Variants in NETO2 observed in about 807,000 individuals in gnomAD.
NETO2 encodes the protein neuropilin and tolloid like 2, also known as neuropilin and tolloid-like protein 2.
Under a neutral mutation model 62.5 loss-of-function variants are expected in NETO2, and 28 were observed. That is an observed-to-expected ratio of 0.45 (90% CI 0.33 to 0.61). The LOEUF is 0.61. Ranked by LOEUF, NETO2 falls within the 20% of genes least tolerant of loss-of-function variation. NETO2 has a pLI of 0.02. For missense variants in NETO2, 548 were observed against 643.2 expected (o/e 0.85, Z 1.60); for synonymous variants, 214 against 219.1 (o/e 0.98, Z 0.21).
intron 1 of NETO2, among the ~76,000 whole-genome samples, chr16:47,137,767 T>A (rs530269481): frequency 6.6e-6 from 1 of 152,226 alleles, no homozygotes; most frequent in Non-Finnish European, 1.5e-5. Context: ...ATTTTTTTGT[T>A]CTTATACTGA....
At chr16:47,105,376 T>C (rs1963652597) in intron 7 of NETO2, among the ~76,000 whole-genome samples, 1 of 152,186 alleles carries the variant, frequency 6.6e-6, no homozygotes, top group African/African-American at 2.4e-5. Flanking sequence ...TTACAAGAGC[T>C]AAAACTATAA....
At chr16:47,110,844 AAG>A (rs763480946) in intron 6 of NETO2, among the ~76,000 whole-genome samples, 5 of 151,242 alleles carry the variant, frequency 3.3e-5, no homozygotes, top group Non-Finnish European at 7.4e-5. Context: ...GCATAAAACT[AAG>A]AGAGAACAAC....
intron 4 of NETO2, among the ~76,000 whole-genome samples, chr16:47,125,206 A>G (rs1964130679): frequency 6.6e-6 from 1 of 152,236 alleles, no homozygotes; most frequent in Non-Finnish European, 1.5e-5. Context: ...AATAAAAATA[A>G]AATAGCTGAC....
rs150256497 is a variant in NETO2, at chr16:47,094,437, T to C, written c.884-8098A>G. Reference sequence around the variant, plus strand: ...TTTACTTATTTATTTATTTATTTATTTATTTAGAGACGGAGTCTTACTCTG... The same window carrying C: ...TTTACTTATTTATTTATTTATTTATCTATTTAGAGACGGAGTCTTACTCTG... On this transcript the variant is annotated intron_variant, in intron 7 of 8. Coordinates refer to ENST00000562435, the MANE Select transcript of NETO2 (RefSeq NM_018092.5). 3.5e-3 allele frequency among the ~76,000 whole-genome samples: 532 copies of C among 151,822 alleles called. 3 individuals carry two copies. The highest frequency in any genetic ancestry group is 0.012 in the African/African-American group (499 of 41,234).
In NETO2 at chr16:47,083,623, C is replaced by G; in HGVS notation, c.1176G>C (p.Val392=). The G allele has an allele frequency of 6.2e-7, 1 of 1,614,190 alleles. No homozygotes were observed. The highest frequency in any genetic ancestry group is 8.5e-7 in the Non-Finnish European group (1 of 1,180,046). ...TAFNKTGFQE[V]FDPPHYELFS... is the part of the protein sequence containing the mutation. ...ACAGTTCATAATGAGGAGGATCAAA[C>G]ACTTCTTGGAACCCGGTTTTATTAA... is the stretch of plus-strand genomic sequence containing the variant. The change falls in exon 9 of 9, where the codon GTG becomes GTC. Residue 392 remains valine (V), a synonymous_variant. Coordinates refer to ENST00000562435, the MANE Select transcript of NETO2 (RefSeq NM_018092.5).
At chr16:47,128,180 G>T in intron 4 of NETO2, 145 bp downstream of exon 4, 1 of 969,500 alleles carries the variant, frequency 1.0e-6, no homozygotes, top group Non-Finnish European at 1.5e-6. Context: ...TTTGTTCATG[G>T]ACTAATTTCC....
chr16:47,139,247 GCA>G (rs1253308140), intron 1 of NETO2, among the ~76,000 whole-genome samples: 1 of 152,162 alleles, frequency 6.6e-6, no homozygotes, highest in Non-Finnish European at 1.5e-5. Context: ...CAAACACATA[GCA>G]CAGTAACTGA....
chr16:47,112,863 A>G (rs535490910), intron 6 of NETO2, among the ~76,000 whole-genome samples: 1 of 152,184 alleles, frequency 6.6e-6, no homozygotes, highest in Non-Finnish European at 1.5e-5. Flanking sequence ...ATGAGATCTA[A>G]TAAATATTGT....
intron 1 of NETO2, 131 bp downstream of exon 1, chr16:47,143,448 C>T (rs1036774689): frequency 9.1e-7 from 1 of 1,102,200 alleles, no homozygotes; most frequent in Non-Finnish European, 1.1e-6. Context: ...TCCGAGTAGC[C>T]GCGAGCCCCG....
chr16:47,131,946 A>C, intron 2 of NETO2, 23 bp downstream of exon 2: 1 of 1,599,714 alleles, frequency 6.3e-7, no homozygotes, highest in Non-Finnish European at 8.6e-7. Context: ...ACATGCAGTA[A>C]GTCACCAATG....
rs1963108624 is a variant in NETO2, at chr16:47,083,298, T to C, written c.1501A>G (p.Met501Val). Reference sequence around the variant, plus strand: ...TAAATTTCACAGGGAATCTCCTCCATTACTCGGTCTTCCAGGGCCTGCTCA... The same window carrying C: ...TAAATTTCACAGGGAATCTCCTCCACTACTCGGTCTTCCAGGGCCTGCTCA... ...CPEQALEDRV[M>V]EEIPCEIYVR... The change falls in exon 9 of 9, where the codon ATG (methionine) becomes GTG (valine). Residue 501 changes from methionine (M) to valine (V), a missense_variant. Transcript: ENST00000562435. 6.2e-7 allele frequency: 1 copy of C among 1,614,104 alleles called. No individual in the cohort carries two copies. The highest frequency in any genetic ancestry group is 1.3e-5 in the African/African-American group (1 of 74,940).
intron 7 of NETO2, among the ~76,000 whole-genome samples, chr16:47,095,414 T>C (rs959801192): frequency 2.6e-5 from 4 of 152,142 alleles, no homozygotes; most frequent in Non-Finnish European, 4.4e-5. Context: ...GCAGAATTGA[T>C]GGGAAAAAAC....
intron 7 of NETO2, among the ~76,000 whole-genome samples, chr16:47,096,005 A>C (rs967044082): frequency 4.6e-5 from 7 of 152,228 alleles, no homozygotes; most frequent in African/African-American, 1.7e-4. Context: ...AACTGAAGGA[A>C]AATGAAAAAA....
At chr16:47,090,052 G>A (rs905794551) in intron 7 of NETO2, among the ~76,000 whole-genome samples, 2 of 151,958 alleles carry the variant, frequency 1.3e-5, no homozygotes, top group African/African-American at 2.4e-5. Context: ...CTTGACATTC[G>A]GATTTCATGA....
chr16:47,089,005 G>A (rs904450494), intron 7 of NETO2, among the ~76,000 whole-genome samples: 4 of 152,096 alleles, frequency 2.6e-5, no homozygotes, highest in Non-Finnish European at 5.9e-5. Flanking sequence ...TGCCCTAAAC[G>A]GTAGTATTCA....
At chr16:47,113,585 CTT>C (rs953891691) in intron 6 of NETO2, among the ~76,000 whole-genome samples, 8 of 106,614 alleles carry the variant, frequency 7.5e-5, no homozygotes, top group African/African-American at 1.5e-4. Flanking sequence ...ACAGTTTATT[CTT>C]TTTTTTTTTT....
At chr16:47,132,244 A>G (rs1964281130) in intron 1 of NETO2, among the ~76,000 whole-genome samples, 1 of 152,130 alleles carries the variant, frequency 6.6e-6, no homozygotes, top group Non-Finnish European at 1.5e-5. Context: ...GTACTCATTT[A>G]TAAGCATTTA....
intron 4 of NETO2, among the ~76,000 whole-genome samples, chr16:47,123,720 T>C (rs1413241051): frequency 6.6e-6 from 1 of 152,220 alleles, no homozygotes; most frequent in Non-Finnish European, 1.5e-5. Flanking sequence ...ATTTTTGAGA[T>C]GGAGTTTCAC....
chr16:47,092,426 G>C (rs1963331549), intron 7 of NETO2, among the ~76,000 whole-genome samples: 1 of 152,202 alleles, frequency 6.6e-6, no homozygotes, highest in African/African-American at 2.4e-5. Flanking sequence ...AATACTGTTA[G>C]TGGGATACTT....
Sources: gnomAD v4.1 joint callset for allele counts (sites outside exome capture counted in the v4.1 genomes callset) on GRCh38, gnomAD v4.1.1 for gene constraint, MANE v1.5 for transcripts, NCBI Gene and HGNC (gene_info 2026-07-23, HGNC 2026-07-21) for gene names.